Variants in MCTP2 observed in about 807,000 individuals in gnomAD.
MCTP2 encodes the protein multiple C2 and transmembrane domain-containing protein 2.
MCTP2 carries 132 observed loss-of-function variants against 111.6 expected under a neutral mutation model. That is an observed-to-expected ratio of 1.18 (90% CI 1.03 to 1.37). The LOEUF is 1.37. MCTP2 is among the 40% of genes most tolerant of loss of function. MCTP2 has a pLI of 0.00. For synonymous variants in MCTP2, 395 were observed against 387.7 expected (o/e 1.02, Z -0.22); for missense variants, 1,183 against 1,067.9 (o/e 1.11, Z -1.50).
intron 14 of MCTP2, among the ~76,000 whole-genome samples, chr15:94,390,072 A>ACATG (rs1354607776): frequency 6.0e-5 from 1 of 16,646 alleles, no homozygotes; most frequent in Non-Finnish European, 1.4e-4. Context: ...ATATATATAT[A>ACATG]TATATATATA....
At chr15:94,263,928 C>T (rs1410456476) in intron 1 of MCTP2, among the ~76,000 whole-genome samples, 2 of 152,200 alleles carry the variant, frequency 1.3e-5, no homozygotes, top group African/African-American at 4.8e-5. Context: ...AGCTGAACAG[C>T]TAAACCCTTT....
chr15:94,458,678 A>G (rs1039894580), intron 20 of MCTP2, among the ~76,000 whole-genome samples: 3 of 152,226 alleles, frequency 2.0e-5, no homozygotes, highest in South Asian at 2.1e-4. Flanking sequence ...ATACACATCT[A>G]GTAGCACCAT....
chr15:94,255,336 C>A (rs530068706), intron 1 of MCTP2, among the ~76,000 whole-genome samples: 1 of 152,228 alleles, frequency 6.6e-6, no homozygotes, highest in South Asian at 2.1e-4. Flanking sequence ...AATGGAAGAT[C>A]TCTTTAGTTT....
At chr15:94,457,900 A>G (rs2084935725) in intron 19 of MCTP2, among the ~76,000 whole-genome samples, 1 of 152,098 alleles carries the variant, frequency 6.6e-6, no homozygotes, top group Non-Finnish European at 1.5e-5. Flanking sequence ...GCTTCCCTTT[A>G]TCACCTCATG....
In MCTP2 at chr15:94,480,678, G is replaced by T. The variant is rs918124932; in HGVS notation, c.*1644G>T. 1 of 152,122 alleles carries T rather than the reference G, an allele frequency of 6.6e-6. No individual in the cohort carries two copies. Among genetic ancestry groups the T allele is most frequent in the African/African-American group, 2.4e-5 (1 of 41,420 alleles). 9.4% of individuals were successfully genotyped at this position (152,122 alleles called of 1,614,324 possible). ...CTAGTTTATCATAGTCTGTCATTTT[G>T]TAACGACCTAAGTCAGACATTTTTA... On this transcript the variant is annotated 3_prime_UTR_variant, in exon 23 of 23. Coordinates refer to ENST00000357742, the MANE Select transcript of MCTP2 (RefSeq NM_001385001.1).
At chr15:94,454,038 A>G (rs1033776252) in intron 19 of MCTP2, among the ~76,000 whole-genome samples, 2 of 152,228 alleles carry the variant, frequency 1.3e-5, no homozygotes, top group African/African-American at 4.8e-5. Flanking sequence ...AAAAATGACC[A>G]AGTAGCTGTT....
intron 18 of MCTP2, among the ~76,000 whole-genome samples, chr15:94,442,693 A>C (rs1036661399): frequency 1.3e-5 from 2 of 152,214 alleles, no homozygotes; most frequent in Admixed American, 6.5e-5. Context: ...GCACTGGCCT[A>C]ATAGCTTTAT....
At chr15:94,252,251 C>T (rs1296686474) in intron 1 of MCTP2, among the ~76,000 whole-genome samples, 1 of 152,200 alleles carries the variant, frequency 6.6e-6, no homozygotes, top group Admixed American at 6.5e-5. Context: ...CACTAGGGTT[C>T]CAATCTCTCT....
At chr15:94,298,116 C>T in intron 1 of MCTP2, 85 bp from the exon 2 acceptor site, 1 of 543,692 alleles carries the variant, frequency 1.8e-6, no homozygotes, top group African/African-American at 1.9e-5. Context: ...GTGTTTCTCA[C>T]TTTGATGTGC....
At chr15:94,475,459 A>C (rs1318293753) in intron 21 of MCTP2, among the ~76,000 whole-genome samples, 1 of 152,198 alleles carries the variant, frequency 6.6e-6, no homozygotes, top group Non-Finnish European at 1.5e-5. Context: ...ATGAAAGCAA[A>C]ATAATACTTA....
At chr15:94,314,166 G>A (rs1004196295) in intron 2 of MCTP2, 116 bp from the exon 3 acceptor site, 1 of 679,234 alleles carries the variant, frequency 1.5e-6, no homozygotes, top group Non-Finnish European at 2.6e-6. Context: ...GGCCCTCACT[G>A]AAGCTGCATA....
At position 94,401,987 on chromosome 15, in the gene MCTP2, GA is replaced by G. The variant is rs780304424; in HGVS notation, c.2055del (p.Glu685AspfsTer4). 8 of 1,613,398 alleles carry G rather than the reference GA, an allele frequency of 5.0e-6. No homozygotes were observed. In the African/African-American group the frequency reaches 9.3e-5, roughly 19 times the overall value. ...GTTCCTTAAAAGCTGCTTCCAGTGG[GA>G]ATCCACATTAAGAAGTACAATAGCA... ...MQFLKSCFQW[E>X]STLRSTIAFA... On this transcript the variant is annotated frameshift_variant, in exon 17 of 23. Coordinates refer to ENST00000357742, the MANE Select transcript of MCTP2 (RefSeq NM_001385001.1). LOFTEE classifies it high-confidence loss of function.
chr15:94,282,702 T>C (rs1204895308), intron 1 of MCTP2, among the ~76,000 whole-genome samples: 1 of 152,246 alleles, frequency 6.6e-6, no homozygotes, highest in Non-Finnish European at 1.5e-5. Flanking sequence ...CACTGTCTTT[T>C]TGATGGGGCT....
At chr15:94,291,106 C>G (rs894625848) in intron 1 of MCTP2, among the ~76,000 whole-genome samples, 3 of 152,050 alleles carry the variant, frequency 2.0e-5, no homozygotes, top group South Asian at 2.1e-4. Flanking sequence ...GGACATTTAC[C>G]AAGACAGTCC....
intron 19 of MCTP2, among the ~76,000 whole-genome samples, chr15:94,455,487 G>A (rs551394478): frequency 4.0e-5 from 6 of 151,888 alleles, no homozygotes; most frequent in East Asian, 1.9e-4. Context: ...CGCCAGGCTC[G>A]AGTGCAGTGG....
intron 19 of MCTP2, among the ~76,000 whole-genome samples, 183 bp from the exon 20 acceptor site, chr15:94,457,954 A>G (rs939334377): frequency 7.9e-5 from 12 of 152,014 alleles, no homozygotes; most frequent in Non-Finnish European, 1.3e-4. Context: ...GAGTGGTAGC[A>G]TCTAAGTGAC....
Position 94,424,966 on chromosome 15 carries a change from A to AT in MCTP2, c.2086-15203dup, listed in dbSNP as rs946452824. Among the ~76,000 whole-genome samples the AT allele has an allele frequency of 3.6e-4, 54 of 151,350 alleles. 1 individual carries two copies. Among genetic ancestry groups the AT allele is most frequent in the African/African-American group, 1.2e-3 (50 of 41,196 alleles). On this transcript the variant is annotated intron_variant, in intron 17 of 22. Coordinates refer to ENST00000357742, the MANE Select transcript of MCTP2 (RefSeq NM_001385001.1). ...CTTAAAATATCTTCTAGAGGTTTCTATTTTTTTCATGCTGTTTGTTTTACC... is the reference window on the plus strand; with the variant it reads ...CTTAAAATATCTTCTAGAGGTTTCTATTTTTTTTCATGCTGTTTGTTTTACC...
chr15:94,300,916 C>T (rs1430443563), intron 2 of MCTP2, among the ~76,000 whole-genome samples: 1 of 152,036 alleles, frequency 6.6e-6, no homozygotes, highest in African/African-American at 2.4e-5. Context: ...ATTGGAGGCA[C>T]TGGGAGCTTT....
intron 6 of MCTP2, 62 bp from the exon 7 acceptor site, chr15:94,340,751 C>G (rs768816321): frequency 1.0e-6 from 1 of 968,520 alleles, no homozygotes; most frequent in African/African-American, 1.6e-5. Context: ...GCTCCTGATG[C>G]GTGTAGGTCA....
Sources: gnomAD v4.1 joint callset for allele counts (sites outside exome capture counted in the v4.1 genomes callset) on GRCh38, gnomAD v4.1.1 for gene constraint, MANE v1.5 for transcripts, NCBI Gene and HGNC (gene_info 2026-07-23, HGNC 2026-07-21) for gene names.